Variants in TAX1BP1 observed in about 807,000 individuals in gnomAD.
TAX1BP1 encodes Tax1 binding protein 1.
In TAX1BP1, 62 loss-of-function variants were observed where a neutral mutation model predicts 97.7. The observed-to-expected ratio is 0.63, with a 90% confidence interval of 0.52 to 0.78. TAX1BP1 has a LOEUF of 0.78. Among genes scored for constraint, TAX1BP1 ranks in the 30% least tolerant of loss-of-function variants. The pLI is 0.00. For synonymous variants in TAX1BP1, 340 were observed against 304.2 expected, an observed-to-expected ratio of 1.12 and a Z score of -1.23; for missense variants, 867 against 916.1, an observed-to-expected ratio of 0.95 and a Z score of 0.69.
intron 8 of TAX1BP1, among the ~76,000 whole-genome samples, chr7:27,787,882 C>T (rs1789547938): frequency 6.6e-6 from 1 of 152,014 alleles, no homozygotes; most frequent in South Asian, 2.1e-4. Flanking sequence ...CCCTTATGAA[C>T]AAGTGCATTC....
At chr7:27,811,460 A>C (rs1346501724) in intron 13 of TAX1BP1, among the ~76,000 whole-genome samples, 3 of 152,158 alleles carry the variant, frequency 2.0e-5, no homozygotes, top group African/African-American at 7.2e-5. Context: ...TTATATAGGT[A>C]AAAATGTGTT....
At chr7:27,796,736 G>A (rs1789948310) in intron 12 of TAX1BP1, among the ~76,000 whole-genome samples, 1 of 151,876 alleles carries the variant, frequency 6.6e-6, no homozygotes, top group Non-Finnish European at 1.5e-5. Context: ...GGTGGAGCAT[G>A]CCTGTAGTCC....
intron 16 of TAX1BP1, 85 bp from the exon 17 acceptor site, chr7:27,828,543 A>G: frequency 7.8e-7 from 1 of 1,289,224 alleles, no homozygotes; most frequent in East Asian, 2.4e-5. Flanking sequence ...TCAGCTAACT[A>G]GATAAATGGA....
intron 15 of TAX1BP1, among the ~76,000 whole-genome samples, chr7:27,824,542 C>T (rs1791096569): frequency 1.0e-5 from 1 of 96,752 alleles, no homozygotes. Context: ...AGAGCAAGAC[C>T]TTGTCTCAAA....
chr7:27,802,009 C>G (rs1205302807), intron 13 of TAX1BP1, among the ~76,000 whole-genome samples: 1 of 152,144 alleles, frequency 6.6e-6, no homozygotes, highest in Admixed American at 6.5e-5. Context: ...GGAAAGGAAG[C>G]AGCAGCATTC....
chr7:27,821,844 C>T (rs534669654), intron 15 of TAX1BP1, among the ~76,000 whole-genome samples: 160 of 152,208 alleles, frequency 1.1e-3, no homozygotes, highest in African/African-American at 3.7e-3. Flanking sequence ...CCATTTATTC[C>T]CACCAGCCCA....
At position 27,828,746 on chromosome 7, in the gene TAX1BP1, C is replaced by A; in HGVS notation, c.2287C>A (p.Gln763Lys). The A allele has an allele frequency of 6.2e-7, 1 of 1,613,952 alleles. No individual in the cohort carries two copies. The highest frequency in any genetic ancestry group is 8.5e-7 in the Non-Finnish European group (1 of 1,179,984). The change falls in exon 17 of 17, where the codon CAG (glutamine) becomes AAG (lysine). Residue 763 changes from glutamine to lysine, a missense_variant. Physicochemically the swap from Gln to Lys is moderately conservative, Grantham distance 53. Transcript: ENST00000396319. ...GAAGGTGTGCCCGATGTGCAGCGAG[C>A]AGTTCCCTCCTGACTATGACCAGCA... ...HWKVCPMCSEQFPPDYDQQVF... is the reference protein window; with the variant it reads ...HWKVCPMCSEKFPPDYDQQVF...
chr7:27,827,220 G>C (rs1358079976), intron 15 of TAX1BP1, among the ~76,000 whole-genome samples: 2 of 152,028 alleles, frequency 1.3e-5, no homozygotes, highest in East Asian at 3.9e-4. Context: ...GGGCATGGTG[G>C]TGCACACCTA....
intron 2 of TAX1BP1, among the ~76,000 whole-genome samples, chr7:27,750,197 T>C (rs117360459): frequency 2.6e-5 from 4 of 152,220 alleles, no homozygotes; most frequent in Non-Finnish European, 5.9e-5. Context: ...AAAACAGAAA[T>C]GTGACTGAGG....
At chr7:27,813,241 C>T (rs754700174) in intron 13 of TAX1BP1, among the ~76,000 whole-genome samples, 1 of 149,122 alleles carries the variant, frequency 6.7e-6, no homozygotes, top group Non-Finnish European at 1.5e-5. Context: ...GCAGCCTTGA[C>T]CTCGACCTCT....
At position 27,758,219 on chromosome 7, in the gene TAX1BP1, A is replaced by C. The variant is rs1351678304; in HGVS notation, c.265+86A>C. The C allele has an allele frequency of 3.8e-6, 4 of 1,042,268 alleles. No individual in the cohort carries two copies. The East Asian group carries it at 9.9e-5, about 26-fold the overall frequency. 64.6% of individuals were successfully genotyped at this position (1,042,268 alleles called of 1,614,324 possible). On this transcript the variant is annotated intron_variant, in intron 3 of 16. Coordinates refer to ENST00000396319, the MANE Select transcript of TAX1BP1 (RefSeq NM_006024.7). ...TGTACTCCATTGTAATGATTTGTTC[A>C]GGTATCTCCAGGGTACCAAAGTTGA...
intron 5 of TAX1BP1, among the ~76,000 whole-genome samples, chr7:27,780,446 C>T (rs1190862477): frequency 6.6e-6 from 1 of 152,098 alleles, no homozygotes; most frequent in African/African-American, 2.4e-5. Context: ...GTTCCTAATT[C>T]TTAGGCCATG....
chr7:27,808,542 T>C (rs1273648711), intron 13 of TAX1BP1, among the ~76,000 whole-genome samples: 1 of 152,176 alleles, frequency 6.6e-6, no homozygotes, highest in Non-Finnish European at 1.5e-5. Context: ...TGGTGTACTC[T>C]CCGCGCTCCT....
At chr7:27,802,634 A>C (rs1048575632) in intron 13 of TAX1BP1, among the ~76,000 whole-genome samples, 1 of 152,180 alleles carries the variant, frequency 6.6e-6, no homozygotes, top group Non-Finnish European at 1.5e-5. Context: ...GAATTCTGTT[A>C]ACAGAAGTAC....
chr7:27,810,579 A>T (rs1212576732), intron 13 of TAX1BP1, among the ~76,000 whole-genome samples: 1 of 152,038 alleles, frequency 6.6e-6, no homozygotes, highest in Non-Finnish European at 1.5e-5. Context: ...CCGTGTTGTT[A>T]TTGTTAAAAA....
Position 27,796,174 on chromosome 7 carries a change from T to C in TAX1BP1, c.1593T>C (p.Ile531=), listed in dbSNP as rs750269199. ...KGQVCEMTKE[I]ADKTEKYNKC... is the part of the protein sequence containing the mutation. ...AAGTCTGTGAAATGACCAAAGAAAT[T>C]GCTGACAAAACAGAAAAGTATAATA... is the stretch of plus-strand genomic sequence containing the variant. Residue 531 remains isoleucine (I), a synonymous_variant, in exon 12 of 17, where the codon ATT becomes ATC. Transcript: ENST00000396319. 1 of 1,596,690 alleles carries C rather than the reference T, an allele frequency of 6.3e-7. No homozygotes were observed. The highest frequency in any genetic ancestry group is 1.4e-5 in the African/African-American group (1 of 73,872).
At chr7:27,824,102 C>G (rs1165634946) in intron 15 of TAX1BP1, among the ~76,000 whole-genome samples, 2 of 152,102 alleles carry the variant, frequency 1.3e-5, no homozygotes, top group Non-Finnish European at 1.5e-5. Context: ...CATATCTGTT[C>G]AAGTCCTTGC....
chr7:27,796,233 C>T lies in TAX1BP1; in HGVS notation c.1638+14C>T, dbSNP rs560133878. The T allele has an allele frequency of 1.3e-6, 2 of 1,514,110 alleles. No individual in the cohort carries two copies. Among genetic ancestry groups the T allele is most frequent in the African/African-American group, 2.9e-5 (2 of 70,122 alleles). 93.8% of individuals were successfully genotyped at this position (1,514,110 alleles called of 1,614,324 possible). On this transcript the variant is annotated intron_variant, in intron 12 of 16. Coordinates refer to ENST00000396319, the MANE Select transcript of TAX1BP1 (RefSeq NM_006024.7). ...CAACTCTTGCAGGTAAGTTAACTACCTTGTAAGTGAAAGAGATTTATAAAA... is the reference window on the plus strand; with the variant it reads ...CAACTCTTGCAGGTAAGTTAACTACTTTGTAAGTGAAAGAGATTTATAAAA...
chr7:27,771,074 G>T (rs533105089), intron 5 of TAX1BP1, among the ~76,000 whole-genome samples: 1 of 126,068 alleles, frequency 7.9e-6, no homozygotes, highest in African/African-American at 2.9e-5. Context: ...ATGTGCCCTC[G>T]ATGACTATTA....
Sources: allele counts gnomAD v4.1 joint callset (sites outside exome capture counted in the v4.1 genomes callset), GRCh38; gene constraint gnomAD v4.1.1; transcripts MANE v1.5; gene names NCBI Gene and HGNC (gene_info 2026-07-23, HGNC 2026-07-21).